The following NRXN3 variants were observed in gnomAD, a reference collection of about 807,000 sequenced individuals.
NRXN3 encodes neurexin 3, also known as neurexin III.
Under a neutral mutation model 137.6 loss-of-function variants are expected in NRXN3, and 32 were observed. The observed-to-expected ratio is 0.23, with a 90% CI of 0.18 to 0.31. The LOEUF is 0.31. Ranked by LOEUF, NRXN3 falls within the 10% of genes least tolerant of loss-of-function variation. The pLI, the probability that NRXN3 is intolerant of heterozygous loss-of-function variation, is 1.00. For missense variants in NRXN3, 1,574 were observed against 2,062.5 expected, an observed-to-expected ratio of 0.76 and a Z score of 4.59; for synonymous variants, 798 against 784.5, an observed-to-expected ratio of 1.02 and a Z score of -0.29.
At chr14:78,785,630 A>G (rs1408454919) in intron 8 of NRXN3, among the ~76,000 whole-genome samples, 2 of 152,164 alleles carry the variant, frequency 1.3e-5, no homozygotes, top group Non-Finnish European at 2.9e-5. Context: ...TTTATGACTT[A>G]ATTTTAGCTG....
chr14:79,418,542 A>C (rs910906720), intron 15 of NRXN3, among the ~76,000 whole-genome samples: 3 of 152,202 alleles, frequency 2.0e-5, no homozygotes, highest in Non-Finnish European at 4.4e-5. Flanking sequence ...TCTGATAAAA[A>C]GTCACATCAG....
chr14:79,829,051 A>G (rs1309818008), intron 20 of NRXN3, among the ~76,000 whole-genome samples: 1 of 152,200 alleles, frequency 6.6e-6, no homozygotes, highest in Non-Finnish European at 1.5e-5. Flanking sequence ...TATAATTATT[A>G]TCAATTAACT....
At chr14:79,851,674 T>C (rs1568453812) in intron 20 of NRXN3, among the ~76,000 whole-genome samples, 2 of 152,140 alleles carry the variant, frequency 1.3e-5, no homozygotes, top group Non-Finnish European at 2.9e-5. Context: ...GGTTTCCCAG[T>C]CCTTGGTTGA....
intron 4 of NRXN3, among the ~76,000 whole-genome samples, chr14:78,322,874 AGAATGTCGTGCT>A (rs2079555661): frequency 1.3e-5 from 2 of 152,036 alleles, no homozygotes; most frequent in Admixed American, 1.3e-4. Flanking sequence ...TCAACTCCTT[AGAATGTCGTGCT>A]GCTTTCTAGC....
chr14:79,770,202 T>A (rs1431614574), intron 19 of NRXN3, among the ~76,000 whole-genome samples: 2 of 152,052 alleles, frequency 1.3e-5, no homozygotes, highest in Non-Finnish European at 2.9e-5. Flanking sequence ...ACTGTTAACA[T>A]TAGACAGATC....
At chr14:78,340,634 C>A (rs2082046960) in intron 4 of NRXN3, among the ~76,000 whole-genome samples, 1 of 152,144 alleles carries the variant, frequency 6.6e-6, no homozygotes, top group African/African-American at 2.4e-5. Flanking sequence ...TGCGGCTCCT[C>A]AAACCAGAAA....
At chr14:79,522,640 T>C (rs2097078703) in intron 16 of NRXN3, among the ~76,000 whole-genome samples, 1 of 152,100 alleles carries the variant, frequency 6.6e-6, no homozygotes, top group African/African-American at 2.4e-5. Flanking sequence ...CTTCCAAGGA[T>C]CCCATGGAAA....
intron 7 of NRXN3, among the ~76,000 whole-genome samples, chr14:78,710,900 G>T (rs1016894087): frequency 2.6e-5 from 4 of 152,194 alleles, no homozygotes; most frequent in African/African-American, 4.8e-5. Context: ...TCAGAACCAA[G>T]AGCCTTCAAA....
chr14:79,546,732 T>C (rs181643363), intron 16 of NRXN3, among the ~76,000 whole-genome samples: 51 of 152,332 alleles, frequency 3.3e-4, no homozygotes, highest in African/African-American at 1.1e-3. Flanking sequence ...ATTTACTTCC[T>C]GATATACACA....
At chr14:78,815,479 C>CTTTTTTTTCTTTT (rs2098929357) in intron 10 of NRXN3, among the ~76,000 whole-genome samples, 1 of 84,436 alleles carries the variant, frequency 1.2e-5, no homozygotes, top group Non-Finnish European at 2.2e-5. Flanking sequence ...TTGTTTCTTT[C>CTTTTTTTTCTTTT]TTTTTTTTTT....
At position 79,318,619 on chromosome 14, in the gene NRXN3, G is replaced by A. The variant is rs1037500256; in HGVS notation, c.3263-148602G>A. On this transcript the variant is annotated intron_variant, in intron 15 of 20. Transcript: ENST00000335750. ...TTTCAGTCAGACAGGAAGTGTTGGC[G>A]AGTAATATGGGATTTATTGGGAGTG... is the stretch of plus-strand genomic sequence containing the variant. Among the ~76,000 whole-genome samples the A allele has an allele frequency of 3.9e-4, 60 of 152,182 alleles. 1 individual carries two copies. Among genetic ancestry groups the A allele is most frequent in the Non-Finnish European group, 4.4e-5 (3 of 68,032 alleles).
At chr14:78,279,407 G>T (rs1381868166) in intron 3 of NRXN3, among the ~76,000 whole-genome samples, 1 of 152,200 alleles carries the variant, frequency 6.6e-6, no homozygotes, top group Admixed American at 6.5e-5. Flanking sequence ...AGTGTCAGAT[G>T]ACTTAGAATG....
chr14:78,929,057 G>A (rs1177427429), intron 10 of NRXN3, among the ~76,000 whole-genome samples: 2 of 152,064 alleles, frequency 1.3e-5, no homozygotes, highest in East Asian at 1.9e-4. Context: ...CAGTGATGAC[G>A]AGCATTTTTT....
intron 8 of NRXN3, among the ~76,000 whole-genome samples, chr14:78,783,668 A>G (rs1221188118): frequency 1.3e-5 from 2 of 152,168 alleles, no homozygotes; most frequent in African/African-American, 4.8e-5. Flanking sequence ...GTAAGTTTGA[A>G]ATAAAAAAGT....
At chr14:78,949,394 G>T (rs1202787477) in intron 10 of NRXN3, among the ~76,000 whole-genome samples, 1 of 152,038 alleles carries the variant, frequency 6.6e-6, no homozygotes, top group Non-Finnish European at 1.5e-5. Flanking sequence ...ACAGTCTGCA[G>T]CTCTCTTCAG....
At chr14:79,026,208 G>A (rs1406813733) in intron 15 of NRXN3, among the ~76,000 whole-genome samples, 1 of 152,102 alleles carries the variant, frequency 6.6e-6, no homozygotes, top group Admixed American at 6.6e-5. Flanking sequence ...TTCATATAAT[G>A]CTCCATTCTT....
intron 15 of NRXN3, among the ~76,000 whole-genome samples, chr14:79,459,779 C>T (rs1271643023): frequency 2.0e-5 from 3 of 151,626 alleles, no homozygotes; most frequent in African/African-American, 7.3e-5. Context: ...GTTAGTATTG[C>T]CAAACAGTAC....
At chr14:79,127,042 T>C (rs900030608) in intron 15 of NRXN3, among the ~76,000 whole-genome samples, 1 of 152,132 alleles carries the variant, frequency 6.6e-6, no homozygotes, top group Non-Finnish European at 1.5e-5. Context: ...TTCTTGTAAA[T>C]TTGTTTGAGT....
At chr14:78,513,804 A>G (rs574182757) in intron 4 of NRXN3, among the ~76,000 whole-genome samples, 200 of 152,226 alleles carry the variant, frequency 1.3e-3, no homozygotes, top group Non-Finnish European at 2.2e-3. Context: ...TAAGATCCCC[A>G]TAATTCATTT....
Sources: gnomAD v4.1 joint callset for allele counts (sites outside exome capture counted in the v4.1 genomes callset) on GRCh38, gnomAD v4.1.1 for gene constraint, MANE v1.5 for transcripts, NCBI Gene and HGNC (gene_info 2026-07-23, HGNC 2026-07-21) for gene names.